The following AJAP1 variants were observed in gnomAD, a reference collection of about 807,000 sequenced individuals.
The protein encoded by AJAP1 is adherens junction-associated protein 1.
In AJAP1, 5 loss-of-function variants were observed where a neutral mutation model predicts 35.0. The ratio of observed to expected loss-of-function variants is 0.14; its 90% CI spans 0.07 to 0.30. The LOEUF is 0.30. AJAP1 is among the 10% of genes least tolerant of loss of function. AJAP1 has a pLI of 1.00. For missense variants in AJAP1, 586 were observed against 571.0 expected (o/e 1.03, Z -0.27); for synonymous variants, 284 against 249.3 (o/e 1.14, Z -1.31).
At chr1:4,760,813 G>C (rs1014573022) in intron 2 of AJAP1, among the ~76,000 whole-genome samples, 8 of 152,248 alleles carry the variant, frequency 5.3e-5, no homozygotes, top group African/African-American at 1.7e-4. Flanking sequence ...CATGGAGGGG[G>C]CCCGTGAGCA....
chr1:4,715,582 G>T (rs1454130011), intron 2 of AJAP1, among the ~76,000 whole-genome samples: 1 of 152,218 alleles, frequency 6.6e-6, no homozygotes, highest in African/African-American at 2.4e-5. Flanking sequence ...CTACTACGGA[G>T]GTTGAGGCAG....
intron 2 of AJAP1, among the ~76,000 whole-genome samples, chr1:4,728,488 C>G (rs976631416): frequency 6.6e-6 from 1 of 152,202 alleles, no homozygotes; most frequent in Non-Finnish European, 1.5e-5. Context: ...TGAGTGACAC[C>G]TGCTCCCAGT....
At chr1:4,763,025 C>A (rs187876352) in intron 2 of AJAP1, among the ~76,000 whole-genome samples, 1 of 152,244 alleles carries the variant, frequency 6.6e-6, no homozygotes, top group African/African-American at 2.4e-5. Flanking sequence ...AAGGAAACAA[C>A]CAGGGATGGG....
In AJAP1 at chr1:4,659,147, C is replaced by G. The variant is rs1259118507; in HGVS notation, c.29+3693C>G. On this transcript the variant is annotated intron_variant, in intron 1 of 5. Transcript: ENST00000378191. ...CCTGACTGGATTGCAAACAGCTGAG[C>G]CTTCAAGAGCCCAGGGGCTCCTCTC... 2.0e-5 allele frequency among the ~76,000 whole-genome samples: 3 copies of G among 152,158 alleles called. 1 individual carries two copies. The highest frequency in any genetic ancestry group is 2.4e-5 in the African/African-American group (1 of 41,434).
chr1:4,733,684 A>G (rs1057484721), intron 2 of AJAP1, among the ~76,000 whole-genome samples: 3 of 151,450 alleles, frequency 2.0e-5, no homozygotes, highest in African/African-American at 4.9e-5. Flanking sequence ...CCTTGGGAGG[A>G]TTCGGTTCAT....
chr1:4,681,242 T>C (rs1162571184), intron 1 of AJAP1, among the ~76,000 whole-genome samples: 1 of 152,198 alleles, frequency 6.6e-6, no homozygotes, highest in African/African-American at 2.4e-5. Flanking sequence ...GGTAAAGCCC[T>C]TTGGAAGCCC....
intron 1 of AJAP1, among the ~76,000 whole-genome samples, chr1:4,679,831 G>GTGTA (rs1489968187): frequency 1.9e-4 from 29 of 151,276 alleles, no homozygotes; most frequent in Admixed American, 1.1e-3. Context: ...GTGTGTGTGT[G>GTGTA]TGTGTGTGTG....
Position 4,654,819 on chromosome 1 carries a change from G to A in AJAP1, c.-607G>A, listed in dbSNP as rs1638837233. The stretch of plus-strand genomic sequence containing the variant: ...TCCGGGCCGCGGCCGTCTGCAGAGC[G>A]AGCGCTCAGACGGAGCCCCCGGGCA... On this transcript the variant is annotated 5_prime_UTR_variant, in exon 1 of 6. Coordinates refer to ENST00000378191, the MANE Select transcript of AJAP1 (RefSeq NM_018836.4). This position sits in a 1 kb window ranked among gnomAD's most constrained non-coding sequence, Gnocchi z 5.1. 1.3e-5 allele frequency: 2 copies of A among 150,560 alleles called. No homozygotes were observed. The highest frequency in any genetic ancestry group is 2.1e-4 in the South Asian group (1 of 4,820). 9.3% of individuals were successfully genotyped at this position (150,560 alleles called of 1,614,324 possible).
At chr1:4,774,281 T>G in intron 4 of AJAP1, 146 bp from the exon 5 acceptor site, 2 of 669,572 alleles carry the variant, frequency 3.0e-6, no homozygotes, top group Non-Finnish European at 5.2e-6. Context: ...ATGTGGGGGG[T>G]GGTCCCTTCC....
chr1:4,735,965 G>A (rs1222019091), intron 2 of AJAP1, among the ~76,000 whole-genome samples: 2 of 152,208 alleles, frequency 1.3e-5, no homozygotes, highest in African/African-American at 4.8e-5. Context: ...GAAGAGGGTT[G>A]GCGCTGAGGT....
intron 1 of AJAP1, among the ~76,000 whole-genome samples, chr1:4,689,827 G>T (rs1418302302): frequency 6.6e-6 from 1 of 152,210 alleles, no homozygotes; most frequent in Non-Finnish European, 1.5e-5. Context: ...CCCCGCCAAG[G>T]CCGCCCCCTC....
chr1:4,677,654 A>G (rs1639391912), intron 1 of AJAP1, among the ~76,000 whole-genome samples: 1 of 152,128 alleles, frequency 6.6e-6, no homozygotes, highest in South Asian at 2.1e-4. Context: ...CAGGGTGTGC[A>G]GGAGAAACTC....
rs996559822 is a variant in AJAP1 at position 4,785,637 on chromosome 1, C to T, written c.*3152C>T. 1.3e-5 allele frequency: 2 copies of T among 152,206 alleles called. No individual in the cohort carries two copies. Among genetic ancestry groups the T allele is most frequent in the Admixed American group, 6.5e-5 (1 of 15,284 alleles). The allele number at this position is 152,206 out of a possible 1,614,324, so 9.4% of individuals were successfully genotyped here. Reference sequence around the variant, plus strand: ...TGCTGATTTGGCCTGATCAGTCCTTCTGCAGCCTTGGGGCAGTGTTTCAAG... The same window carrying T: ...TGCTGATTTGGCCTGATCAGTCCTTTTGCAGCCTTGGGGCAGTGTTTCAAG... On this transcript the variant is annotated 3_prime_UTR_variant, in exon 6 of 6. Transcript: ENST00000378191.
intron 2 of AJAP1, among the ~76,000 whole-genome samples, chr1:4,727,655 C>G (rs1640698000): frequency 6.6e-6 from 1 of 152,256 alleles, no homozygotes; most frequent in South Asian, 2.1e-4. Flanking sequence ...ATCTGCACCT[C>G]TGTGGAATCC....
rs75056847 is a variant in AJAP1 at position 4,693,228 on chromosome 1, C to G, written c.30-18672C>G. Among the ~76,000 whole-genome samples the G allele has an allele frequency of 0.018, 2,798 of 152,172 alleles. 34 individuals carry two copies. The highest frequency in any genetic ancestry group is 0.029 in the Non-Finnish European group (1,998 of 67,998). On this transcript the variant is annotated intron_variant, in intron 1 of 5. Transcript: ENST00000378191. This position sits in a 1 kb window ranked among gnomAD's most constrained non-coding sequence, Gnocchi z 4.4. ...AAGGCCCACCCGAGTGGGGAGGCGC[C>G]CATGGGAACTTTAGACACCAGGCCA...
chr1:4,716,563 AT>A (rs1640394709), intron 2 of AJAP1, among the ~76,000 whole-genome samples: 1 of 151,818 alleles, frequency 6.6e-6, no homozygotes, highest in Non-Finnish European at 1.5e-5. Context: ...GATGAGGATG[AT>A]GATGATGGAG....
chr1:4,672,056 G>T (rs1413782302), intron 1 of AJAP1, among the ~76,000 whole-genome samples: 1 of 152,242 alleles, frequency 6.6e-6, no homozygotes, highest in Non-Finnish European at 1.5e-5. Flanking sequence ...TCACGGAGCT[G>T]CTTGTGAATC....
At chr1:4,742,530 C>T (rs1641092592) in intron 2 of AJAP1, among the ~76,000 whole-genome samples, 1 of 152,106 alleles carries the variant, frequency 6.6e-6, no homozygotes, top group Admixed American at 6.5e-5. Flanking sequence ...CTTGGGGCCC[C>T]TGGGGAATCA....
chr1:4,704,662 G>A (rs564596047), intron 1 of AJAP1, among the ~76,000 whole-genome samples: 1 of 152,230 alleles, frequency 6.6e-6, no homozygotes, highest in African/African-American at 2.4e-5. Flanking sequence ...AGTCCTTTGG[G>A]TATATACCCA....
Sources: allele counts gnomAD v4.1 joint callset (sites outside exome capture counted in the v4.1 genomes callset), GRCh38; gene constraint gnomAD v4.1.1; non-coding constraint Gnocchi (gnomAD v3.1); transcripts MANE v1.5; gene names NCBI Gene and HGNC (gene_info 2026-07-23, HGNC 2026-07-21).